Variants in ZBTB7C observed in about 807,000 individuals in gnomAD.
ZBTB7C encodes the protein zinc finger and BTB domain containing 7C.
In ZBTB7C, 8 loss-of-function variants were observed where a neutral mutation model predicts 25.7. The ratio of observed to expected loss-of-function variants is 0.31; its 90% CI spans 0.18 to 0.56. The LOEUF (loss-of-function observed/expected upper bound fraction) is 0.56. Ranked by LOEUF, ZBTB7C falls within the 20% of genes least tolerant of loss-of-function variation. The pLI is 0.91. For missense variants in ZBTB7C, 824 were observed against 855.2 expected (o/e 0.96, Z 0.46); for synonymous variants, 394 against 369.0 (o/e 1.07, Z -0.78).
intron 3 of ZBTB7C, among the ~76,000 whole-genome samples, chr18:48,070,295 G>C (rs146880814): frequency 3.2e-3 from 490 of 152,328 alleles, no homozygotes; most frequent in Admixed American, 4.1e-3. Flanking sequence ...CCTGGAGGGG[G>C]ACTACCTGCC....
At chr18:48,112,386 G>T (rs148284971) in intron 3 of ZBTB7C, among the ~76,000 whole-genome samples, 2,599 of 144,262 alleles carry the variant, frequency 0.018, 74 homozygotes, top group African/African-American at 0.063. Flanking sequence ...TCGCTCTGTC[G>T]CCCAGGACGG....
At chr18:48,128,256 G>C (rs370600284) in intron 3 of ZBTB7C, among the ~76,000 whole-genome samples, 3 of 152,300 alleles carry the variant, frequency 2.0e-5, no homozygotes, top group East Asian at 1.9e-4. Context: ...CGCCTGCCAG[G>C]CTGTTCTCAT....
chr18:48,059,609 C>T (rs547868069), intron 3 of ZBTB7C, among the ~76,000 whole-genome samples: 3 of 152,314 alleles, frequency 2.0e-5, no homozygotes, highest in African/African-American at 7.2e-5. Context: ...CTTCTTACTA[C>T]ACTGACTGCT....
chr18:48,231,295 T>C (rs552015719), intron 2 of ZBTB7C, among the ~76,000 whole-genome samples: 1 of 152,214 alleles, frequency 6.6e-6, no homozygotes, highest in African/African-American at 2.4e-5. Flanking sequence ...TGGCCACCCA[T>C]AGACCAATCA....
At chr18:48,247,512 T>C (rs929272486) in intron 2 of ZBTB7C, among the ~76,000 whole-genome samples, 3 of 152,246 alleles carry the variant, frequency 2.0e-5, no homozygotes, top group African/African-American at 7.2e-5. Flanking sequence ...ACTTTGTGGC[T>C]TCCCATCTCC....
chr18:48,410,297 C>T (rs1262384574), upstream of ZBTB7C, among the ~76,000 whole-genome samples: 1 of 152,212 alleles, frequency 6.6e-6, no homozygotes, highest in Non-Finnish European at 1.5e-5. Flanking sequence ...GTCCCCACCC[C>T]TCTGGAGCCT....
At chr18:48,124,636 G>A (rs113444646) in intron 3 of ZBTB7C, among the ~76,000 whole-genome samples, 2,012 of 152,256 alleles carry the variant, frequency 0.013, 39 homozygotes, top group African/African-American at 0.045. Context: ...GATTAAGGCT[G>A]AGCACTCACC....
rs548874336 is a variant in ZBTB7C at position 48,390,498 on chromosome 18, C to T, written c.-304+18728G>A. Among the ~76,000 whole-genome samples the T allele has an allele frequency of 4.1e-3, 628 of 152,270 alleles. 3 individuals are homozygous for T. Among genetic ancestry groups the T allele is most frequent in the African/African-American group, 0.014 (593 of 41,540 alleles). ...GTATAAATAAAATGCAAAGCAAAAGCGCCTCCCACTGTCATGCCCAGTCAC... is the reference window on the plus strand; with the variant it reads ...GTATAAATAAAATGCAAAGCAAAAGTGCCTCCCACTGTCATGCCCAGTCAC... On this transcript the variant is annotated intron_variant, in intron 1 of 4. Transcript: ENST00000590800.
At chr18:48,245,149 A>C (rs1054453852) in intron 2 of ZBTB7C, among the ~76,000 whole-genome samples, 1 of 149,204 alleles carries the variant, frequency 6.7e-6, no homozygotes, top group Non-Finnish European at 1.5e-5. Context: ...AGCCAAAAAA[A>C]GGAATTCAAT....
chr18:48,091,673 G>A (rs1336417451), intron 3 of ZBTB7C, among the ~76,000 whole-genome samples: 1 of 152,184 alleles, frequency 6.6e-6, no homozygotes, highest in East Asian at 1.9e-4. Flanking sequence ...TGCAGGTGAG[G>A]AGACAGCTTC....
chr18:48,112,199 G>A (rs949652451), intron 3 of ZBTB7C, among the ~76,000 whole-genome samples: 10 of 150,756 alleles, frequency 6.6e-5, no homozygotes, highest in African/African-American at 2.4e-4. Context: ...AGAAAAATGT[G>A]TGGAGTAATA....
intron 4 of ZBTB7C, among the ~76,000 whole-genome samples, chr18:48,036,540 C>T (rs1182231335): frequency 6.6e-6 from 1 of 152,170 alleles, no homozygotes; most frequent in Non-Finnish European, 1.5e-5. Context: ...GGAAATGGGG[C>T]TTTGCCAGGG....
intron 2 of ZBTB7C, among the ~76,000 whole-genome samples, chr18:48,260,137 A>G (rs947376181): frequency 2.0e-5 from 3 of 152,224 alleles, no homozygotes; most frequent in African/African-American, 7.2e-5. Context: ...TGGATAAACA[A>G]CCATGGAATA....
chr18:48,040,700 C>A lies in ZBTB7C; in HGVS notation c.408G>T (p.Glu136Asp), dbSNP rs1211438000. Residue 136 changes from glutamate to aspartate, a missense_variant, in exon 4 of 5, where the codon GAG becomes GAT. Coordinates refer to ENST00000590800, the MANE Select transcript of ZBTB7C (RefSeq NM_001318841.2). ...CGTCGTCATCGTCCTCCTTGTCATC[C>A]TCCTCCCCCCCGTCCCCCCCAGGCT... Reference protein sequence around the residue: ...IMEPGGDGGEEDDKEDDDDDE... With the variant: ...IMEPGGDGGEDDDKEDDDDDE... The A allele has an allele frequency of 1.2e-6, 2 of 1,613,864 alleles. No homozygotes were observed. The highest frequency in any genetic ancestry group is 1.7e-6 in the Non-Finnish European group (2 of 1,179,904).
intron 3 of ZBTB7C, among the ~76,000 whole-genome samples, chr18:48,096,833 C>T (rs1336695210): frequency 6.6e-6 from 1 of 152,152 alleles, no homozygotes; most frequent in Non-Finnish European, 1.5e-5. Flanking sequence ...TCTTTTTCAA[C>T]AGTTATCAAA....
intron 2 of ZBTB7C, among the ~76,000 whole-genome samples, chr18:48,266,956 C>T (rs914271308): frequency 2.0e-5 from 3 of 152,210 alleles, no homozygotes; most frequent in Middle Eastern, 6.8e-3. Flanking sequence ...TAGTAGGCTC[C>T]ACCCCATTCC....
intron 2 of ZBTB7C, among the ~76,000 whole-genome samples, chr18:48,192,742 G>A (rs372267970): frequency 2.6e-4 from 40 of 152,330 alleles, no homozygotes; most frequent in African/African-American, 9.1e-4. Flanking sequence ...GATTATAGGC[G>A]TGAGCCACTG....
chr18:48,250,504 C>G (rs2043816156), intron 2 of ZBTB7C, among the ~76,000 whole-genome samples: 1 of 152,158 alleles, frequency 6.6e-6, no homozygotes, highest in Admixed American at 6.5e-5. Context: ...TTATCACTAA[C>G]TGTTGTCCTT....
At chr18:48,302,990 G>A (rs1290652313) in intron 2 of ZBTB7C, among the ~76,000 whole-genome samples, 1 of 152,230 alleles carries the variant, frequency 6.6e-6, no homozygotes. Flanking sequence ...GAGGATGGAA[G>A]CGGCATTGGA....
Sources: allele counts gnomAD v4.1 joint callset (sites outside exome capture counted in the v4.1 genomes callset), GRCh38; gene constraint gnomAD v4.1.1; transcripts MANE v1.5; gene names NCBI Gene and HGNC (gene_info 2026-07-23, HGNC 2026-07-21).